Variants in SPACA3 observed in about 807,000 individuals in gnomAD.
The protein encoded by SPACA3 is sperm acrosome membrane-associated protein 3.
In SPACA3, 21 loss-of-function variants were observed where a neutral mutation model predicts 24.5. The ratio of observed to expected loss-of-function variants is 0.86; its 90% confidence interval spans 0.61 to 1.24. SPACA3 has a LOEUF of 1.24. SPACA3 is among the 50% of genes most tolerant of loss of function. The pLI is 0.00. For missense variants in SPACA3, 278 were observed against 275.5 expected (o/e 1.01, Z -0.06); for synonymous variants, 115 against 106.9 (o/e 1.08, Z -0.47).
In SPACA3 at chr17:32,995,569, C is replaced by T. The variant is rs1408774797; in HGVS notation, c.195C>T (p.Cys65=). The T allele has an allele frequency of 1.2e-6, 2 of 1,614,170 alleles. No homozygotes were observed. Among genetic ancestry groups the T allele is most frequent in the South Asian group, 2.2e-5 (2 of 91,072 alleles). The change falls in exon 2 of 5, where the codon TGC becomes TGT. Residue 65 remains cysteine, a synonymous_variant. Coordinates refer to ENST00000269053, the MANE Select transcript of SPACA3 (RefSeq NM_173847.5). ...ARSRALRRRW[C]PAGIMLLALV... Reference sequence around the variant, plus strand: ...GCAGGGCTCTCAGAAGGCGGTGGTGCCCAGCTGGGATCATGTTGTTGGCCC... The same window carrying T: ...GCAGGGCTCTCAGAAGGCGGTGGTGTCCAGCTGGGATCATGTTGTTGGCCC...
At chr17:32,993,460 AAGG>A (rs1202855060) in intron 1 of SPACA3, among the ~76,000 whole-genome samples, 1 of 152,164 alleles carries the variant, frequency 6.6e-6, no homozygotes, top group Non-Finnish European at 1.5e-5. Flanking sequence ...CACGGAGGAT[AAGG>A]AGGAGAGTCA....
chr17:32,996,919 C>T lies in SPACA3; in HGVS notation c.420C>T (p.Asn140=), dbSNP rs541850411. 2.1e-5 allele frequency: 34 copies of T among 1,609,682 alleles called. No homozygotes were observed. In the Admixed American group the frequency reaches 3.0e-4, roughly 14 times the overall value. Residue 140 remains asparagine (N), a synonymous_variant, in exon 3 of 5, where the codon AAC becomes AAT. Coordinates refer to ENST00000269053, the MANE Select transcript of SPACA3 (RefSeq NM_173847.5). ...ACGAGGCTGATGGGAGCACCAACAA[C>T]GGGATCTTCCAGATCAACAGCCGGA... ...LDYEADGSTN[N]GIFQINSRRW...
chr17:32,992,507 A>G (rs2091695678), intron 1 of SPACA3, among the ~76,000 whole-genome samples: 1 of 152,214 alleles, frequency 6.6e-6, no homozygotes, highest in Non-Finnish European at 1.5e-5. Flanking sequence ...CTGCAGATAA[A>G]TAAGACATGC....
At position 32,995,462 on chromosome 17, in the gene SPACA3, G is replaced by T. The variant is rs766883825; in HGVS notation, c.88G>T (p.Val30Leu). The stretch of plus-strand genomic sequence containing the variant: ...TTCTGTGAGTGGACCACGGAGGCTG[G>T]TGAGCTGCCTGTCATCCCAAAGCTC... ...SPSVSGPRRL[V>L]SCLSSQSSAL... The change falls in exon 2 of 5, where the codon GTG becomes TTG. Residue 30 changes from valine to leucine, a missense_variant. Physicochemically the swap from Val to Leu is conservative, Grantham distance 32. Coordinates refer to ENST00000269053, the MANE Select transcript of SPACA3 (RefSeq NM_173847.5). The T allele has an allele frequency of 9.9e-6, 16 of 1,613,252 alleles. No homozygotes were observed. In the African/African-American group the frequency reaches 2.1e-4, roughly 22 times the overall value.
In SPACA3 at chr17:32,991,948, G is replaced by C. The variant is rs764670600; in HGVS notation, c.10G>C (p.Ala4Pro). 5.0e-6 allele frequency: 8 copies of C among 1,613,960 alleles called. No individual in the cohort carries two copies. Among genetic ancestry groups the C allele is most frequent in the Middle Eastern group, 1.7e-4 (1 of 6,058 alleles). Residue 4 changes from alanine to proline, a missense_variant, in exon 1 of 5, where the codon GCT becomes CCT. Transcript: ENST00000269053. MVSALRGAPLIRVH... is the reference protein window; with the variant it reads MVSPLRGAPLIRVH... ...TGCTGCCATTGTCACCATGGTCTCA[G>C]CTCTGCGGGGAGCACCCCTGATCAG...
At chr17:32,992,668 A>T (rs886592014) in intron 1 of SPACA3, among the ~76,000 whole-genome samples, 14 of 152,126 alleles carry the variant, frequency 9.2e-5, no homozygotes, top group Non-Finnish European at 2.1e-4. Flanking sequence ...CTCACTGGGG[A>T]ACACACCTCT....
At chr17:32,992,442 T>A (rs966260349) in intron 1 of SPACA3, among the ~76,000 whole-genome samples, 1 of 152,186 alleles carries the variant, frequency 6.6e-6, no homozygotes, top group African/African-American at 2.4e-5. Flanking sequence ...GCCACGCCTT[T>A]TGTGGACTTG....
chr17:32,997,669 G>A (rs1293922264), intron 4 of SPACA3, 43 bp from the exon 5 acceptor site: 15 of 1,602,382 alleles, frequency 9.4e-6, no homozygotes, highest in Non-Finnish European at 1.3e-5. Context: ...ACTGGCAACT[G>A]CAGCTGATAT....
intron 1 of SPACA3, among the ~76,000 whole-genome samples, chr17:32,994,849 CA>C (rs1436679993): frequency 1.3e-5 from 2 of 152,166 alleles, no homozygotes; most frequent in Non-Finnish European, 2.9e-5. Flanking sequence ...ACCAGACGGG[CA>C]GGCTGGGCTT....
At chr17:32,995,825 C>A (rs1051161843) in intron 2 of SPACA3, 108 bp downstream of exon 2, 6 of 1,267,954 alleles carry the variant, frequency 4.7e-6, no homozygotes, top group African/African-American at 4.5e-5. Context: ...GCTTTTAGAG[C>A]CCTTCTGTAA....
rs202186032 is a variant in SPACA3, at chr17:32,995,568, G to A, written c.194G>A (p.Cys65Tyr). The change falls in exon 2 of 5, where the codon TGC (cysteine) becomes TAC (tyrosine). Residue 65 changes from cysteine to tyrosine, a missense_variant. By Grantham distance (194) the Cys-to-Tyr change is radical. Transcript: ENST00000269053. ...ARSRALRRRW[C>Y]PAGIMLLALV... is the part of the protein sequence containing the mutation. ...AGCAGGGCTCTCAGAAGGCGGTGGT[G>A]CCCAGCTGGGATCATGTTGTTGGCC... 6.6e-5 allele frequency: 106 copies of A among 1,614,050 alleles called. No individual in the cohort carries two copies. Among genetic ancestry groups the A allele is most frequent in the Non-Finnish European group, 8.6e-5 (102 of 1,180,038 alleles).
Position 32,991,915 on chromosome 17 carries a change from ACTG to A in SPACA3, c.-13_-11del, listed in dbSNP as rs3052914. On this transcript the variant is annotated 5_prime_UTR_variant, in exon 1 of 5. Coordinates refer to ENST00000269053, the MANE Select transcript of SPACA3 (RefSeq NM_173847.5). ...TTGAGCTGAAGCAGGGTTTTGAGCC[ACTG>A]CTGCTGCTGCCATTGTCACCATGGT... 1.2e-6 allele frequency: 2 copies of A among 1,612,860 alleles called. No homozygotes were observed. The highest frequency in any genetic ancestry group is 2.2e-5 in the East Asian group (1 of 44,774).
intron 2 of SPACA3, among the ~76,000 whole-genome samples, chr17:32,996,414 G>A (rs2091722084): frequency 1.3e-5 from 2 of 151,592 alleles, no homozygotes; most frequent in East Asian, 1.9e-4. Context: ...GCTTGAACCC[G>A]GGAGGCAGAG....
intron 1 of SPACA3, among the ~76,000 whole-genome samples, chr17:32,992,535 C>T (rs570697711): frequency 1.1e-3 from 170 of 152,274 alleles, no homozygotes; most frequent in Non-Finnish European, 2.0e-3. Context: ...TAAGACCAGC[C>T]GCCGTTCTTC....
At position 32,996,854 on chromosome 17, in the gene SPACA3, G is replaced by A. The variant is rs1370162190; in HGVS notation, c.355G>A (p.Ala119Thr). Residue 119 changes from alanine to threonine, a missense_variant, in exon 3 of 5, where the codon GCT (alanine) becomes ACT (threonine). Ala to Thr is a moderately conservative substitution (Grantham distance 58). Coordinates refer to ENST00000269053, the MANE Select transcript of SPACA3 (RefSeq NM_173847.5). ...GYSLADWVCL[A>T]YFTSGFNAAA... ...TCTGCCCTATGCAGGGGTCTGCCTT[G>A]CTTATTTCACAAGCGGTTTCAACGC... 1.3e-6 allele frequency: 2 copies of A among 1,597,936 alleles called. No individual in the cohort carries two copies. Among genetic ancestry groups the A allele is most frequent in the Admixed American group, 3.4e-5 (2 of 58,406 alleles).
At chr17:32,994,575 C>T (rs918025689) in intron 1 of SPACA3, among the ~76,000 whole-genome samples, 2 of 152,094 alleles carry the variant, frequency 1.3e-5, no homozygotes, top group Non-Finnish European at 2.9e-5. Flanking sequence ...TGTGGAGGCG[C>T]AGAGGTCAAG....
At chr17:32,994,532 T>C (rs1000081754) in intron 1 of SPACA3, among the ~76,000 whole-genome samples, 16 of 152,122 alleles carry the variant, frequency 1.1e-4, no homozygotes, top group Non-Finnish European at 1.8e-4. Flanking sequence ...TACAACTCTT[T>C]CACTTTTTGA....
intron 1 of SPACA3, among the ~76,000 whole-genome samples, chr17:32,993,199 C>T (rs2091701410): frequency 6.6e-6 from 1 of 152,134 alleles, no homozygotes. Flanking sequence ...CAGAAGAAGG[C>T]ATTGATGGAA....
intron 3 of SPACA3, 39 bp downstream of exon 3, chr17:32,997,040 C>A: frequency 6.8e-7 from 1 of 1,472,816 alleles, no homozygotes; most frequent in East Asian, 2.5e-5. Context: ...GGAGTCAGGC[C>A]CTGCATTAGC....
Sources: gnomAD v4.1 joint callset for allele counts (sites outside exome capture counted in the v4.1 genomes callset) on GRCh38, gnomAD v4.1.1 for gene constraint, MANE v1.5 for transcripts, NCBI Gene and HGNC (gene_info 2026-07-23, HGNC 2026-07-21) for gene names.